PKHD1L1: variants seen among roughly 807,000 people sequenced by gnomAD.
PKHD1L1 encodes the protein PKHD1 like 1, also known as fibrocystin-L.
PKHD1L1 carries 434 observed loss-of-function variants against 462.9 expected under a neutral mutation model. The ratio of observed to expected loss-of-function variants is 0.94; its 90% CI spans 0.87 to 1.02. The LOEUF (loss-of-function observed/expected upper bound fraction) is 1.02, where lower values mean the gene tolerates loss of function less well. PKHD1L1 is among the 50% of genes least tolerant of loss of function. PKHD1L1 has a pLI of 0.00. For missense variants in PKHD1L1, 5,202 were observed against 5,096.1 expected, an observed-to-expected ratio of 1.02 and a Z score of -0.63; for synonymous variants, 1,781 against 1,750.0, an observed-to-expected ratio of 1.02 and a Z score of -0.44.
At chr8:109,520,248 T>G in intron 73 of PKHD1L1, among the ~76,000 whole-genome samples, 1 of 151,978 alleles carries the variant, frequency 6.6e-6, no homozygotes, top group East Asian at 1.9e-4. Context: ...AGGCTCAGGG[T>G]TTGGACTCAG....
At chr8:109,381,543 C>A (rs780956613) in intron 3 of PKHD1L1, 29 bp downstream of exon 3, 18 of 1,453,762 alleles carry the variant, frequency 1.2e-5, no homozygotes, top group African/African-American at 9.9e-5. Context: ...TTAATAAAAT[C>A]ATTTTCATCA....
At chr8:109,520,162 C>A (rs1820475449) in intron 73 of PKHD1L1, among the ~76,000 whole-genome samples, 1 of 152,054 alleles carries the variant, frequency 6.6e-6, no homozygotes, top group African/African-American at 2.4e-5. Flanking sequence ...GTGTTGCAAC[C>A]AGATCTCCCA....
At position 109,429,518 on chromosome 8, in the gene PKHD1L1, T is replaced by A. The variant is rs1412024882; in HGVS notation, c.3123+56T>A. ...ATGTAATTTTAATAGTATAACTAGT[T>A]TGTAATATGTTAAAGACCTGGTGAA... On this transcript the variant is annotated intron_variant, in intron 26 of 77. Coordinates refer to ENST00000378402, the MANE Select transcript of PKHD1L1 (RefSeq NM_177531.6). 6.7e-6 allele frequency: 10 copies of A among 1,501,404 alleles called. No individual in the cohort carries two copies. The African/African-American group carries it at 7.0e-5, about 10-fold the overall frequency. 93.0% of individuals were successfully genotyped at this position (1,501,404 alleles called of 1,614,324 possible).
At position 109,458,022 on chromosome 8, in the gene PKHD1L1, G is replaced by A. The variant is rs200110845; in HGVS notation, c.7005-1573G>A. 1.1e-4 allele frequency among the ~76,000 whole-genome samples: 16 copies of A among 151,948 alleles called. No homozygotes were observed. In the East Asian group the frequency reaches 2.1e-3, roughly 20 times the overall value. ...TGATTCTTGTCCCCATCCACCCATT[G>A]TCTTGATAAACAGCTTTGTTCTCCT... On this transcript the variant is annotated intron_variant, in intron 46 of 77. Transcript: ENST00000378402.
At chr8:109,446,199 T>C (rs944772260) in intron 38 of PKHD1L1, among the ~76,000 whole-genome samples, 7 of 152,212 alleles carry the variant, frequency 4.6e-5, no homozygotes, top group African/African-American at 1.7e-4. Flanking sequence ...ATATATCTTC[T>C]TAGTCCTTTG....
intron 23 of PKHD1L1, among the ~76,000 whole-genome samples, chr8:109,421,332 C>T (rs1277717639): frequency 1.3e-5 from 2 of 151,770 alleles, no homozygotes; most frequent in Non-Finnish European, 2.9e-5. Context: ...AAAATTTTTG[C>T]AAAGTAAACA....
At chr8:109,409,409 C>T (rs1813723232) in intron 18 of PKHD1L1, among the ~76,000 whole-genome samples, 1 of 151,956 alleles carries the variant, frequency 6.6e-6, no homozygotes, top group African/African-American at 2.4e-5. Context: ...GCCACATGCC[C>T]AGCTAATTTT....
rs147582197 is a variant in PKHD1L1 at position 109,385,818 on chromosome 8, G to A, written c.569+188G>A. Among the ~76,000 whole-genome samples the A allele has an allele frequency of 4.6e-4, 70 of 151,846 alleles. No homozygotes were observed. The East Asian group carries it at 0.01, about 22-fold the overall frequency. ...ATTCATTGACACAAAAGCAATGGTC[G>A]ATATGTCATTCTTTTTTGGTCTGGT... is the stretch of plus-strand genomic sequence containing the variant. On this transcript the variant is annotated intron_variant, in intron 6 of 77. Coordinates refer to ENST00000378402, the MANE Select transcript of PKHD1L1 (RefSeq NM_177531.6).
intron 2 of PKHD1L1, among the ~76,000 whole-genome samples, chr8:109,379,411 C>T (rs939629514): frequency 3.9e-5 from 6 of 152,002 alleles, no homozygotes; most frequent in Non-Finnish European, 5.9e-5. Flanking sequence ...GAAAAAGTTC[C>T]GATAATGGGC....
intron 28 of PKHD1L1, 39 bp from the exon 29 acceptor site, chr8:109,435,151 G>A (rs1815333470): frequency 6.2e-7 from 1 of 1,606,064 alleles, no homozygotes; most frequent in South Asian, 1.1e-5. Flanking sequence ...AAAACCATTT[G>A]ATTTACCATT....
At chr8:109,476,419 A>G in intron 51 of PKHD1L1, 89 bp from the exon 52 acceptor site, 2 of 890,528 alleles carry the variant, frequency 2.2e-6, no homozygotes. Context: ...TCTTAACATA[A>G]TATAGGGGCT....
chr8:109,461,959 C>A, intron 48 of PKHD1L1, 51 bp downstream of exon 48: 7 of 1,542,930 alleles, frequency 4.5e-6, no homozygotes, highest in Non-Finnish European at 6.1e-6. Flanking sequence ...GTTATCCATA[C>A]AAGAAATGTG....
chr8:109,444,754 A>T lies in PKHD1L1; in HGVS notation c.4885A>T (p.Ile1629Phe). Residue 1629 changes from isoleucine to phenylalanine, a missense_variant, in exon 38 of 78, where the codon ATC becomes TTC. Around this residue, in one of 3 missense-constraint regions of PKHD1L1, gnomAD observed 4,497 missense variants for 4,336.8 expected, o/e 1.04. Coordinates refer to ENST00000378402, the MANE Select transcript of PKHD1L1 (RefSeq NM_177531.6). ...IDPQNSMDVG[I>F]RETVTLTVYN... ...CCCTCAAAACTCAATGGATGTTGGTATCAGGGAAACTGTCACTTTGACTGT... is the reference window on the plus strand; with the variant it reads ...CCCTCAAAACTCAATGGATGTTGGTTTCAGGGAAACTGTCACTTTGACTGT... 1 of 1,614,042 alleles carries T rather than the reference A, an allele frequency of 6.2e-7. No individual in the cohort carries two copies. Among genetic ancestry groups the T allele is most frequent in the East Asian group, 2.2e-5 (1 of 44,886 alleles).
At chr8:109,433,059 T>G (rs1469517477) in intron 27 of PKHD1L1, 47 bp from the exon 28 acceptor site, 1 of 1,333,040 alleles carries the variant, frequency 7.5e-7, no homozygotes, top group Non-Finnish European at 1.1e-6. Flanking sequence ...AACAACAGGT[T>G]TTATTTTTCT....
chr8:109,411,007 T>A (rs4735132), intron 19 of PKHD1L1, among the ~76,000 whole-genome samples: 2 of 151,788 alleles, frequency 1.3e-5, no homozygotes, highest in African/African-American at 2.4e-5. Context: ...GATTACAGAC[T>A]TGAGCCACCG....
intron 23 of PKHD1L1, 123 bp from the exon 24 acceptor site, chr8:109,424,961 TG>T: frequency 1.2e-6 from 1 of 800,334 alleles, no homozygotes. Context: ...CTTAATGTTC[TG>T]AAGAATCCTG....
chr8:109,412,637 G>A (rs182473892), intron 20 of PKHD1L1, among the ~76,000 whole-genome samples: 101 of 151,972 alleles, frequency 6.6e-4, no homozygotes, highest in African/African-American at 2.4e-3. Flanking sequence ...CATATATCAT[G>A]TATTATATTT....
In PKHD1L1 at chr8:109,510,793, C is replaced by T; in HGVS notation, c.11412C>T (p.Gly3804=). ...VDLINGPQDH[G]WCAGYTCQRR... Reference sequence around the variant, plus strand: ...TGGATTTAGGCCCACAGGATCATGGCTGGTGTGCTGGATATACATGCCAGA... The same window carrying T: ...TGGATTTAGGCCCACAGGATCATGGTTGGTGTGCTGGATATACATGCCAGA... The change falls in exon 71 of 78, where the codon GGC becomes GGT. Residue 3804 remains glycine, a synonymous_variant. Transcript: ENST00000378402. 6.2e-7 allele frequency: 1 copy of T among 1,612,896 alleles called. No individual in the cohort carries two copies.
chr8:109,465,355 G>A lies in PKHD1L1; in HGVS notation c.8413+110G>A, dbSNP rs1054443574. The A allele has an allele frequency of 1.8e-5, 21 of 1,160,872 alleles. No homozygotes were observed. The South Asian group carries it at 3.0e-4, about 16-fold the overall frequency. 71.9% of individuals were successfully genotyped at this position (1,160,872 alleles called of 1,614,324 possible). ...GGTGCCTTACAGATCTTACCCAATA[G>A]CAAACTTTACTAATAATTTAAATGA... On this transcript the variant is annotated intron_variant, in intron 49 of 77. Transcript: ENST00000378402.
Sources: gnomAD v4.1 joint callset for allele counts (sites outside exome capture counted in the v4.1 genomes callset) on GRCh38, gnomAD v4.1.1 for gene constraint, gnomAD v4.1.1 regional missense constraint, MANE v1.5 for transcripts, NCBI Gene and HGNC (gene_info 2026-07-23, HGNC 2026-07-21) for gene names.